The following USH2A variants were observed in gnomAD, a reference collection of about 807,000 sequenced individuals.
The protein encoded by USH2A is usherin, also known as Usher syndrome 2A (autosomal recessive, mild).
USH2A carries 443 observed loss-of-function variants against 538.9 expected under a neutral mutation model. The ratio of observed to expected loss-of-function variants is 0.82; its 90% CI spans 0.76 to 0.89. The LOEUF (loss-of-function observed/expected upper bound fraction) is 0.89. USH2A is among the 40% of genes least tolerant of loss of function. The pLI is 0.00. For synonymous variants in USH2A, 2,413 were observed against 2,273.5 expected (o/e 1.06, Z -1.75); for missense variants, 6,633 against 6,324.8 (o/e 1.05, Z -1.65).
At chr1:215,652,164 G>A (rs1657104989) in intron 64 of USH2A, among the ~76,000 whole-genome samples, 1 of 152,304 alleles carries the variant, frequency 6.6e-6, no homozygotes, top group Admixed American at 6.5e-5. Flanking sequence ...AAGGTGAGCC[G>A]AGAATGTATT....
chr1:215,943,209 AG>A (rs1203035113), intron 37 of USH2A, among the ~76,000 whole-genome samples: 2 of 152,200 alleles, frequency 1.3e-5, no homozygotes, highest in African/African-American at 4.8e-5. Flanking sequence ...AGCTAAAGAA[AG>A]GATTGTAACA....
At chr1:216,324,067 G>T in intron 7 of USH2A, 101 bp downstream of exon 7, 1 of 1,281,350 alleles carries the variant, frequency 7.8e-7, no homozygotes, top group Non-Finnish European at 1.1e-6. Context: ...CAAGGAAGTT[G>T]GTGGTGAAGG....
intron 9 of USH2A, among the ~76,000 whole-genome samples, chr1:216,312,558 G>T (rs560832177): frequency 6.6e-6 from 1 of 152,160 alleles, no homozygotes; most frequent in South Asian, 2.1e-4. Context: ...TTTATCAGCT[G>T]TCCCCAAATA....
intron 63 of USH2A, among the ~76,000 whole-genome samples, chr1:215,671,644 A>T (rs985528292): frequency 6.6e-6 from 1 of 152,184 alleles, no homozygotes; most frequent in Non-Finnish European, 1.5e-5. Flanking sequence ...CTAAACAAGG[A>T]TGTATGGAAT....
At chr1:215,829,126 T>C (rs1001304400) in intron 47 of USH2A, among the ~76,000 whole-genome samples, 7 of 152,086 alleles carry the variant, frequency 4.6e-5, no homozygotes, top group Admixed American at 1.3e-4. Flanking sequence ...TTTTGGGATA[T>C]AGAAGGAGCT....
chr1:215,768,297 T>A (rs934429299), intron 55 of USH2A, among the ~76,000 whole-genome samples: 3 of 152,220 alleles, frequency 2.0e-5, no homozygotes, highest in Admixed American at 1.3e-4. Flanking sequence ...CAACTTTGTT[T>A]TGCCTATCTG....
intron 21 of USH2A, among the ~76,000 whole-genome samples, chr1:216,111,990 A>G (rs1388252089): frequency 1.3e-5 from 2 of 152,044 alleles, no homozygotes; most frequent in African/African-American, 2.4e-5. Flanking sequence ...TAAATTATGC[A>G]AAACAGTTCC....
intron 37 of USH2A, among the ~76,000 whole-genome samples, chr1:215,964,962 CTTTTTAGCAAGGGAAGAAGAGTATA>C (rs1159870180): frequency 6.6e-6 from 1 of 152,088 alleles, no homozygotes; most frequent in Non-Finnish European, 1.5e-5. Context: ...GTTTGAACCA[CTTTTTAGCAAGGGAAGAAGAGTATA>C]TACTAGTTCT....
At position 216,322,239 on chromosome 1, in the gene USH2A, AT is replaced by A. The variant is rs920410568; in HGVS notation, c.1551-264del. Among the ~76,000 whole-genome samples, 658 of 152,266 alleles carry A rather than the reference AT, an allele frequency of 4.3e-3. 4 individuals are homozygous for A. The highest frequency in any genetic ancestry group is 0.015 in the African/African-American group (627 of 41,552). ...AAGCCAACCTCTAAAGGGAAATGGA[AT>A]TTTTTATATCTATACCAACCACGTA... On this transcript the variant is annotated intron_variant, in intron 8 of 71. Coordinates refer to ENST00000307340, the MANE Select transcript of USH2A (RefSeq NM_206933.4).
intron 21 of USH2A, among the ~76,000 whole-genome samples, chr1:216,153,171 C>G (rs1172943240): frequency 6.6e-6 from 1 of 152,166 alleles, no homozygotes; most frequent in African/African-American, 2.4e-5. Flanking sequence ...TCCATGTAAC[C>G]TGATTCTTCT....
Position 215,667,572 on chromosome 1 carries a change from C to T in USH2A, c.14133+3400G>A, listed in dbSNP as rs533931743. On this transcript the variant is annotated intron_variant, in intron 64 of 71. Transcript: ENST00000307340. ...AAAATTCGCCACGCATGGTGGCGGG[C>T]GCCTGTAATCCCAGCTACCAGGAGG... 4.6e-4 allele frequency among the ~76,000 whole-genome samples: 70 copies of T among 151,940 alleles called. No individual in the cohort carries two copies. In the South Asian group the frequency reaches 6.2e-3, roughly 14 times the overall value.
At chr1:216,203,084 T>G (rs1489366573) in intron 16 of USH2A, among the ~76,000 whole-genome samples, 1 of 152,164 alleles carries the variant, frequency 6.6e-6, no homozygotes, top group Non-Finnish European at 1.5e-5. Context: ...ATGAATGATT[T>G]TTCTATACAT....
chr1:216,173,685 T>C (rs1338666582), intron 21 of USH2A, among the ~76,000 whole-genome samples: 1 of 152,170 alleles, frequency 6.6e-6, no homozygotes, highest in Non-Finnish European at 1.5e-5. Flanking sequence ...ACCAAATTTA[T>C]TAACGGTGGA....
intron 3 of USH2A, among the ~76,000 whole-genome samples, chr1:216,410,419 C>T (rs2039468768): frequency 6.6e-6 from 1 of 152,018 alleles, no homozygotes; most frequent in Admixed American, 6.6e-5. Context: ...CGTTGCAGCA[C>T]TGTTCACAAT....
At chr1:216,322,169 G>T (rs1256659927) in intron 8 of USH2A, among the ~76,000 whole-genome samples, 193 bp from the exon 9 acceptor site, 9 of 152,252 alleles carry the variant, frequency 5.9e-5, no homozygotes, top group Middle Eastern at 3.4e-3. Flanking sequence ...ATGTCAGAAG[G>T]ACTGTCACCA....
At chr1:215,757,291 T>G (rs1185087076) in intron 58 of USH2A, among the ~76,000 whole-genome samples, 1 of 152,230 alleles carries the variant, frequency 6.6e-6, no homozygotes, top group Non-Finnish European at 1.5e-5. Context: ...AAAATAACTT[T>G]TTCTCTTTGA....
intron 9 of USH2A, among the ~76,000 whole-genome samples, chr1:216,305,930 A>C (rs1196003385): frequency 2.0e-5 from 3 of 152,162 alleles, no homozygotes; most frequent in African/African-American, 7.2e-5. Context: ...CTTTTGCCTC[A>C]CAGCTCTTAA....
At chr1:216,236,613 C>A (rs1440478911) in intron 13 of USH2A, among the ~76,000 whole-genome samples, 1 of 152,078 alleles carries the variant, frequency 6.6e-6, no homozygotes, top group Non-Finnish European at 1.5e-5. Flanking sequence ...ATCCCTTTAA[C>A]ACTGAAAAGG....
chr1:215,808,037 G>C (rs74348385), intron 49 of USH2A, among the ~76,000 whole-genome samples: 1 of 152,038 alleles, frequency 6.6e-6, no homozygotes, highest in Non-Finnish European at 1.5e-5. Flanking sequence ...GGGATATGGA[G>C]CCAGGCAGTT....
Sources: gnomAD v4.1 joint callset for allele counts (sites outside exome capture counted in the v4.1 genomes callset) on GRCh38, gnomAD v4.1.1 for gene constraint, MANE v1.5 for transcripts, NCBI Gene and HGNC (gene_info 2026-07-23, HGNC 2026-07-21) for gene names.